KDM4C: variants seen among roughly 807,000 people sequenced by gnomAD.
KDM4C encodes the protein lysine-specific demethylase 4C.
Under a neutral mutation model 129.3 loss-of-function variants are expected in KDM4C, and 81 were observed. That is an observed-to-expected ratio of 0.63 (90% confidence interval 0.52 to 0.75). The LOEUF (loss-of-function observed/expected upper bound fraction) is 0.75, where lower values mean the gene tolerates loss of function less well. Among genes scored for constraint, KDM4C ranks in the 30% least tolerant of loss-of-function variants. The pLI, the probability that KDM4C is intolerant of heterozygous loss-of-function variation, is 0.00. For synonymous variants in KDM4C, 573 were observed against 456.1 expected (o/e 1.26, Z -3.26); for missense variants, 1,457 against 1,304.0 (o/e 1.12, Z -1.81).
intron 17 of KDM4C, among the ~76,000 whole-genome samples, chr9:7,087,603 TAA>T (rs1178484126): frequency 1.3e-5 from 2 of 152,164 alleles, no homozygotes; most frequent in East Asian, 3.9e-4. Flanking sequence ...CAGTGATAAC[TAA>T]AAGAGTTTCA....
chr9:7,100,450 C>T (rs1215151451), intron 17 of KDM4C, among the ~76,000 whole-genome samples: 1 of 152,146 alleles, frequency 6.6e-6, no homozygotes, highest in African/African-American at 2.4e-5. Flanking sequence ...AGCGACTCTC[C>T]TGCCTCAGCC....
intron 6 of KDM4C, among the ~76,000 whole-genome samples, chr9:6,881,623 T>C (rs1164246784): frequency 6.6e-6 from 1 of 152,248 alleles, no homozygotes. Flanking sequence ...AAACTTCTAA[T>C]GCTTTGACGT....
At chr9:7,041,709 A>G (rs1483404416) in intron 15 of KDM4C, among the ~76,000 whole-genome samples, 1 of 151,944 alleles carries the variant, frequency 6.6e-6, no homozygotes, top group East Asian at 1.9e-4. Context: ...TGAGCTGGGC[A>G]TGTGCTTTAT....
intron 4 of KDM4C, chr9:6,834,528 G>A (rs1461920938): frequency 1.1e-5 from 7 of 665,656 alleles, no homozygotes; most frequent in South Asian, 4.7e-5. Flanking sequence ...CGCAGGTGAC[G>A]ATGACCCCCG....
chr9:6,722,943 A>G (rs893332819), intron 1 of KDM4C, among the ~76,000 whole-genome samples: 1 of 152,110 alleles, frequency 6.6e-6, no homozygotes, highest in Non-Finnish European at 1.5e-5. Flanking sequence ...AAATCGCACG[A>G]CTGCACTCTA....
chr9:6,880,801 T>A (rs1472949478), intron 6 of KDM4C, among the ~76,000 whole-genome samples: 1 of 152,192 alleles, frequency 6.6e-6, no homozygotes, highest in African/African-American at 2.4e-5. Context: ...CTCCTTTTTT[T>A]TAAAGATAAG....
At chr9:6,835,300 A>T (rs567798094) in intron 4 of KDM4C, 8 of 908,716 alleles carry the variant, frequency 8.8e-6, no homozygotes, top group African/African-American at 6.5e-5. Flanking sequence ...CTCCATTATG[A>T]AGTGTGATGT....
At chr9:7,158,119 C>A (rs1430377299) in intron 19 of KDM4C, among the ~76,000 whole-genome samples, 2 of 152,076 alleles carry the variant, frequency 1.3e-5, no homozygotes, top group Non-Finnish European at 2.9e-5. Context: ...TCCATTTCTT[C>A]TAGATTTTCT....
intron 1 of KDM4C, among the ~76,000 whole-genome samples, chr9:6,775,839 G>A (rs755592758): frequency 6.6e-6 from 1 of 152,142 alleles, no homozygotes; most frequent in Non-Finnish European, 1.5e-5. Flanking sequence ...TTTTTAAACA[G>A]TTGCACTGCT....
chr9:6,865,782 G>A (rs111903049), intron 5 of KDM4C, among the ~76,000 whole-genome samples: 21,694 of 150,882 alleles, frequency 0.14, 1,881 homozygotes, highest in South Asian at 0.34. Flanking sequence ...ACGGAGTCTC[G>A]CTCTGTCGCC....
intron 8 of KDM4C, among the ~76,000 whole-genome samples, chr9:6,926,009 G>A (rs1275249231): frequency 6.6e-6 from 1 of 152,156 alleles, no homozygotes; most frequent in Non-Finnish European, 1.5e-5. Flanking sequence ...TGGATTACTA[G>A]AGAGCGGCTT....
At chr9:7,095,244 G>A (rs1836284931) in intron 17 of KDM4C, among the ~76,000 whole-genome samples, 1 of 152,184 alleles carries the variant, frequency 6.6e-6, no homozygotes, top group Non-Finnish European at 1.5e-5. Flanking sequence ...AAACATACAT[G>A]AAACAGAGAT....
intron 5 of KDM4C, among the ~76,000 whole-genome samples, chr9:6,879,616 C>T (rs757254032): frequency 2.0e-5 from 3 of 151,988 alleles, no homozygotes; most frequent in African/African-American, 7.3e-5. Context: ...AAAACAAAAG[C>T]CAAAATCAAC....
rs569409014 is a variant in KDM4C, at chr9:6,875,967, C to T, written c.630-4045C>T. Among the ~76,000 whole-genome samples, 11 of 152,230 alleles carry T rather than the reference C, an allele frequency of 7.2e-5. 1 individual carries two copies. In the South Asian group the frequency reaches 8.3e-4, roughly 11 times the overall value. ...ACCACCTGGTGATTTGAGTATCCTG[C>T]GTTTGCTCGGGCCTGTGATGGTGCA... On this transcript the variant is annotated intron_variant, in intron 5 of 21. Coordinates refer to ENST00000381309, the MANE Select transcript of KDM4C (RefSeq NM_015061.6).
At chr9:7,037,149 T>C (rs1336842996) in intron 15 of KDM4C, among the ~76,000 whole-genome samples, 3 of 152,240 alleles carry the variant, frequency 2.0e-5, no homozygotes, top group South Asian at 2.1e-4. Context: ...AATTACTCTT[T>C]GTTTTCCCAG....
At chr9:7,148,430 C>A (rs1842416773) in intron 19 of KDM4C, among the ~76,000 whole-genome samples, 1 of 152,032 alleles carries the variant, frequency 6.6e-6, no homozygotes, top group Non-Finnish European at 1.5e-5. Context: ...CAGCTCTTTC[C>A]CGTTGTGTGG....
chr9:6,790,845 A>G (rs935850143), intron 1 of KDM4C, among the ~76,000 whole-genome samples: 6 of 152,082 alleles, frequency 3.9e-5, no homozygotes, highest in African/African-American at 1.4e-4. Flanking sequence ...TAGGTGCTCA[A>G]TAAATGTTTG....
intron 4 of KDM4C, among the ~76,000 whole-genome samples, chr9:6,846,090 A>G (rs552603236): frequency 6.6e-6 from 1 of 152,304 alleles, no homozygotes; most frequent in African/African-American, 2.4e-5. Flanking sequence ...TCTGGTGGGA[A>G]GAATGCAGCA....
chr9:7,060,770 G>A (rs1400031288), intron 17 of KDM4C, among the ~76,000 whole-genome samples: 1 of 152,090 alleles, frequency 6.6e-6, no homozygotes, highest in Non-Finnish European at 1.5e-5. Context: ...GTGAGCCACT[G>A]TGCCTGGCCA....
Sources: allele counts gnomAD v4.1 joint callset (sites outside exome capture counted in the v4.1 genomes callset), GRCh38; gene constraint gnomAD v4.1.1; transcripts MANE v1.5; gene names NCBI Gene and HGNC (gene_info 2026-07-23, HGNC 2026-07-21).